The following LUZP2 variants were observed in gnomAD, a reference collection of about 807,000 sequenced individuals.
LUZP2 encodes the protein leucine zipper protein 2.
LUZP2 carries 52 observed loss-of-function variants against 51.6 expected under a neutral mutation model. That is an observed-to-expected ratio of 1.01 (90% CI 0.81 to 1.27). The LOEUF (loss-of-function observed/expected upper bound fraction) is 1.27. LUZP2 is among the 50% of genes most tolerant of loss of function. The probability of loss-of-function intolerance (pLI) is 0.00; values close to 1 mark genes in which losing one functional copy is unlikely to be tolerated. For missense variants in LUZP2, 436 were observed against 395.4 expected (o/e 1.10, Z -0.87); for synonymous variants, 154 against 137.3 (o/e 1.12, Z -0.85).
At chr11:24,729,934 T>C (rs971080411) in intron 2 of LUZP2, among the ~76,000 whole-genome samples, 3 of 151,804 alleles carry the variant, frequency 2.0e-5, no homozygotes, top group Admixed American at 1.3e-4. Context: ...TGAGAGATAA[T>C]GTTTAGGAAA....
rs747168158 is a variant in LUZP2 at position 25,078,973 on chromosome 11, C to G, written c.*315C>G. ...CGGTTCATTTGGATATCTAGTACTT[C>G]TATGATATAGTTGTCAAAATCAACT... On this transcript the variant is annotated 3_prime_UTR_variant, in exon 12 of 12. Transcript: ENST00000336930. 1.4e-4 allele frequency: 30 copies of G among 212,914 alleles called. No individual in the cohort carries two copies. Among genetic ancestry groups the G allele is most frequent in the African/African-American group, 6.8e-4 (29 of 42,486 alleles). The allele number at this position is 212,914 out of a possible 1,614,324, so 13.2% of individuals were successfully genotyped here. A position where few individuals can be genotyped will look rare whatever the true frequency, so the allele number is the denominator to read the frequency against.
At chr11:24,995,061 C>T (rs191383872) in intron 9 of LUZP2, among the ~76,000 whole-genome samples, 2 of 152,216 alleles carry the variant, frequency 1.3e-5, no homozygotes, top group East Asian at 3.9e-4. Context: ...ACTGTTATAA[C>T]CACAAAATAA....
At chr11:24,692,537 A>C (rs1857107492) in intron 1 of LUZP2, among the ~76,000 whole-genome samples, 1 of 152,052 alleles carries the variant, frequency 6.6e-6, no homozygotes, top group Non-Finnish European at 1.5e-5. Flanking sequence ...TTTTTGTTAC[A>C]CTGTAACATT....
intron 1 of LUZP2, among the ~76,000 whole-genome samples, chr11:24,638,554 C>T (rs2133940489): frequency 6.6e-6 from 1 of 151,626 alleles, no homozygotes; most frequent in East Asian, 1.9e-4. Context: ...GTATTTACTA[C>T]ATGGCTAAAG....
intron 9 of LUZP2, among the ~76,000 whole-genome samples, chr11:25,043,253 C>T (rs1250326671): frequency 6.6e-6 from 1 of 152,150 alleles, no homozygotes; most frequent in Admixed American, 6.6e-5. Context: ...GCCTTAATAT[C>T]ATCAAATCCT....
intron 7 of LUZP2, among the ~76,000 whole-genome samples, chr11:24,931,338 G>A (rs539498669): frequency 6.6e-6 from 1 of 152,102 alleles, no homozygotes; most frequent in Non-Finnish European, 1.5e-5. Context: ...GAGCTCCGAA[G>A]TTCTTTCTTC....
chr11:24,551,792 C>T (rs568034143), intron 1 of LUZP2, among the ~76,000 whole-genome samples: 36 of 151,862 alleles, frequency 2.4e-4, no homozygotes, highest in Non-Finnish European at 5.0e-4. Context: ...TTTAAAATTG[C>T]TAAGTTCCTG....
intron 1 of LUZP2, among the ~76,000 whole-genome samples, chr11:24,506,443 T>C (rs541562591): frequency 6.6e-6 from 1 of 152,202 alleles, no homozygotes; most frequent in East Asian, 1.9e-4. Flanking sequence ...CAGCTTTATA[T>C]TGTTGTAGCT....
At chr11:24,921,631 G>A (rs1221582852) in intron 7 of LUZP2, among the ~76,000 whole-genome samples, 1 of 152,034 alleles carries the variant, frequency 6.6e-6, no homozygotes, top group Non-Finnish European at 1.5e-5. Flanking sequence ...TTTCCACTGA[G>A]AACCTTTACC....
Position 24,712,376 on chromosome 11 carries a change from C to T in LUZP2, c.63-16793C>T, listed in dbSNP as rs535255044. The stretch of plus-strand genomic sequence containing the variant: ...GTCGAGGCTATATCACTCCACTGCA[C>T]TTCAGCCTGAGTGACAGAGTGAGAT... On this transcript the variant is annotated intron_variant, in intron 1 of 11. Coordinates refer to ENST00000336930, the MANE Select transcript of LUZP2 (RefSeq NM_001009909.4). Among the ~76,000 whole-genome samples, 38 of 152,098 alleles carry T rather than the reference C, an allele frequency of 2.5e-4. No individual in the cohort carries two copies. In the South Asian group the frequency reaches 7.7e-3, roughly 31 times the overall value.
intron 1 of LUZP2, among the ~76,000 whole-genome samples, chr11:24,532,127 T>A (rs963704670): frequency 1.3e-5 from 2 of 150,938 alleles, no homozygotes; most frequent in African/African-American, 4.8e-5. Flanking sequence ...TGCCACTTTT[T>A]TAAATTTTTC....
At chr11:24,820,904 A>T (rs1480313949) in intron 5 of LUZP2, among the ~76,000 whole-genome samples, 2 of 152,264 alleles carry the variant, frequency 1.3e-5, no homozygotes, top group South Asian at 2.1e-4. Context: ...TTGATGTTCA[A>T]CAGTCAGTGG....
chr11:24,600,454 A>C (rs1853590108), intron 1 of LUZP2, among the ~76,000 whole-genome samples: 1 of 152,186 alleles, frequency 6.6e-6, no homozygotes, highest in South Asian at 2.1e-4. Flanking sequence ...ATTATGAAGC[A>C]ATAGGAAACT....
chr11:24,766,677 G>C (rs1860202234), intron 5 of LUZP2, among the ~76,000 whole-genome samples: 2 of 151,910 alleles, frequency 1.3e-5, no homozygotes, highest in South Asian at 4.1e-4. Flanking sequence ...CCCAAAGGAA[G>C]AACACTAAAT....
intron 1 of LUZP2, among the ~76,000 whole-genome samples, chr11:24,627,299 T>G (rs1176634239): frequency 2.0e-5 from 3 of 152,176 alleles, no homozygotes; most frequent in Non-Finnish European, 4.4e-5. Context: ...AATTGAACAT[T>G]GGGAAAATGT....
At chr11:24,985,779 G>C (rs767714401) in intron 9 of LUZP2, among the ~76,000 whole-genome samples, 1 of 151,680 alleles carries the variant, frequency 6.6e-6, no homozygotes, top group Non-Finnish European at 1.5e-5. Flanking sequence ...CCAAGTGCCC[G>C]TATCCAGTAG....
chr11:24,903,014 GTTAT>G (rs1296859023), intron 5 of LUZP2, among the ~76,000 whole-genome samples: 1 of 152,100 alleles, frequency 6.6e-6, no homozygotes, highest in African/African-American at 2.4e-5. Context: ...TTAATTCATA[GTTAT>G]TTCTTAATTC....
chr11:24,518,076 A>G (rs1412288804), intron 1 of LUZP2, among the ~76,000 whole-genome samples: 1 of 152,126 alleles, frequency 6.6e-6, no homozygotes. Flanking sequence ...GAGGGAGGGG[A>G]TAAAAGGCCT....
At chr11:24,770,289 G>T (rs1377554290) in intron 5 of LUZP2, among the ~76,000 whole-genome samples, 1 of 152,100 alleles carries the variant, frequency 6.6e-6, no homozygotes, top group Non-Finnish European at 1.5e-5. Context: ...GACAAATCAG[G>T]CACTAGGACA....
Sources: allele counts gnomAD v4.1 joint callset (sites outside exome capture counted in the v4.1 genomes callset), GRCh38; gene constraint gnomAD v4.1.1; transcripts MANE v1.5; gene names NCBI Gene and HGNC (gene_info 2026-07-23, HGNC 2026-07-21).